The following ATRNL1 variants were observed in gnomAD, a reference collection of about 807,000 sequenced individuals.
The protein encoded by ATRNL1 is attractin-like protein 1.
Under a neutral mutation model 182.7 loss-of-function variants are expected in ATRNL1, and 95 were observed. The observed-to-expected ratio is 0.52, with a 90% CI of 0.44 to 0.62. The LOEUF is 0.62. Among genes scored for constraint, ATRNL1 ranks in the 20% least tolerant of loss-of-function variants. ATRNL1 has a pLI of 0.00. For synonymous variants in ATRNL1, 576 were observed against 568.3 expected, an observed-to-expected ratio of 1.01 and a Z score of -0.19; for missense variants, 1,471 against 1,679.5, an observed-to-expected ratio of 0.88 and a Z score of 2.17.
chr10:115,213,422 A>T lies in ATRNL1; in HGVS notation c.1349-2275A>T, dbSNP rs532303927. Among the ~76,000 whole-genome samples the T allele has an allele frequency of 6.6e-5, 10 of 152,182 alleles. No homozygotes were observed. The South Asian group carries it at 2.1e-3, about 32-fold the overall frequency. On this transcript the variant is annotated intron_variant, in intron 8 of 28. Transcript: ENST00000355044. ...GGTTTTGTCCATTGGACTCGTGTTC[A>T]GTTTGGCTAAGGAATAAGCCTACCC...
At chr10:115,670,298 T>C (rs1945654572) in intron 26 of ATRNL1, among the ~76,000 whole-genome samples, 2 of 152,164 alleles carry the variant, frequency 1.3e-5, no homozygotes, top group Non-Finnish European at 2.9e-5. Flanking sequence ...TTGCTATCAT[T>C]GTTGCTATTG....
chr10:115,142,384 T>C (rs112309793), intron 5 of ATRNL1, among the ~76,000 whole-genome samples: 25 of 152,174 alleles, frequency 1.6e-4, no homozygotes, highest in African/African-American at 5.5e-4. Context: ...AAAAAGGCCA[T>C]TGTGGCTGGA....
At chr10:115,794,078 C>T (rs1270936032) in intron 27 of ATRNL1, among the ~76,000 whole-genome samples, 1 of 152,138 alleles carries the variant, frequency 6.6e-6, no homozygotes, top group African/African-American at 2.4e-5. Context: ...GTGCATCAAA[C>T]GGTTTATGAG....
At chr10:115,766,850 TG>T (rs1371855253) in intron 27 of ATRNL1, among the ~76,000 whole-genome samples, 2 of 152,198 alleles carry the variant, frequency 1.3e-5, no homozygotes, top group Non-Finnish European at 2.9e-5. Flanking sequence ...GAACAAAATT[TG>T]GAGTCAAAAG....
intron 9 of ATRNL1, chr10:115,220,452 A>G (rs1849409545): frequency 6.6e-6 from 1 of 152,208 alleles, no homozygotes; most frequent in African/African-American, 2.4e-5. Flanking sequence ...CGTATTGTAC[A>G]AAGTGGACTT....
intron 27 of ATRNL1, among the ~76,000 whole-genome samples, chr10:115,773,519 G>A (rs187891082): frequency 2.0e-5 from 3 of 152,182 alleles, no homozygotes; most frequent in Admixed American, 1.3e-4. Context: ...ATAAGATATA[G>A]CCCAGTCATA....
chr10:115,746,183 T>C (rs1240546411), intron 27 of ATRNL1, among the ~76,000 whole-genome samples: 1 of 152,132 alleles, frequency 6.6e-6, no homozygotes, highest in East Asian at 1.9e-4. Flanking sequence ...ACCCCGAACT[T>C]CAGCATTGAT....
At position 115,241,560 on chromosome 10, in the gene ATRNL1, T is replaced by G. The variant is rs782145458; in HGVS notation, c.1533-11T>G. 5 of 1,572,380 alleles carry G rather than the reference T, an allele frequency of 3.2e-6. No homozygotes were observed. The highest frequency in any genetic ancestry group is 3.5e-6 in the Non-Finnish European group (4 of 1,151,588). On this transcript the variant is annotated splice_polypyrimidine_tract_variant and intron_variant, in intron 9 of 28. Transcript: ENST00000355044. ...ATCCTTTGTAATACATTTTTAAATT[T>G]TATTCTGTAGGACTATTTTGAAAGA...
intron 26 of ATRNL1, among the ~76,000 whole-genome samples, chr10:115,597,186 T>A (rs1465488396): frequency 6.6e-6 from 1 of 152,186 alleles, no homozygotes; most frequent in Non-Finnish European, 1.5e-5. Context: ...TTACTAAAAT[T>A]TTTTCCTCAG....
chr10:115,250,877 A>G (rs1057424465), intron 10 of ATRNL1, among the ~76,000 whole-genome samples: 2 of 152,208 alleles, frequency 1.3e-5, no homozygotes, highest in Non-Finnish European at 2.9e-5. Context: ...TAGTAGAACA[A>G]TGTAATGTTC....
intron 27 of ATRNL1, among the ~76,000 whole-genome samples, chr10:115,798,011 G>A (rs1415675373): frequency 3.9e-5 from 6 of 152,036 alleles, no homozygotes; most frequent in African/African-American, 9.7e-5. Context: ...TCTGCCTCCC[G>A]GGTTCACGCC....
At chr10:115,618,181 G>A (rs1857538942) in intron 26 of ATRNL1, among the ~76,000 whole-genome samples, 1 of 152,078 alleles carries the variant, frequency 6.6e-6, no homozygotes, top group African/African-American at 2.4e-5. Flanking sequence ...CTAGTCTCAG[G>A]TATTTCTTTA....
chr10:115,445,695 C>T (rs1846945911), intron 21 of ATRNL1, among the ~76,000 whole-genome samples: 1 of 151,942 alleles, frequency 6.6e-6, no homozygotes, highest in African/African-American at 2.4e-5. Context: ...AGTTGTGCAA[C>T]GATCTGCACC....
intron 26 of ATRNL1, among the ~76,000 whole-genome samples, chr10:115,661,170 C>T (rs1860658100): frequency 6.6e-6 from 1 of 151,996 alleles, no homozygotes; most frequent in Non-Finnish European, 1.5e-5. Flanking sequence ...TAATAGCTTG[C>T]TAAAATAAAA....
At chr10:115,450,550 AAATACCTTAG>A (rs1847229286) in intron 21 of ATRNL1, among the ~76,000 whole-genome samples, 1 of 152,178 alleles carries the variant, frequency 6.6e-6, no homozygotes, top group Non-Finnish European at 1.5e-5. Context: ...AAAAAGAATA[AAATACCTTAG>A]AATACAGCTA....
chr10:115,786,844 G>C (rs915227012), intron 27 of ATRNL1, among the ~76,000 whole-genome samples: 11 of 152,074 alleles, frequency 7.2e-5, no homozygotes, highest in Admixed American at 2.0e-4. Flanking sequence ...TTTTCAAAAT[G>C]TGTTTCTTAT....
At chr10:115,375,589 G>A (rs535332472) in intron 19 of ATRNL1, among the ~76,000 whole-genome samples, 1 of 151,848 alleles carries the variant, frequency 6.6e-6, no homozygotes, top group East Asian at 1.9e-4. Flanking sequence ...TATTTTTATA[G>A]TGGTATGCTC....
chr10:115,600,358 A>G (rs1433924161), intron 26 of ATRNL1, among the ~76,000 whole-genome samples: 4 of 152,126 alleles, frequency 2.6e-5, no homozygotes, highest in Non-Finnish European at 5.9e-5. Context: ...ATAATACCAC[A>G]TTTCACCTAT....
chr10:115,390,394 C>T (rs1206946088), intron 19 of ATRNL1, among the ~76,000 whole-genome samples: 1 of 152,096 alleles, frequency 6.6e-6, no homozygotes, highest in East Asian at 1.9e-4. Flanking sequence ...CATTATTTTG[C>T]ATGTGAATAT....
Sources: gnomAD v4.1 joint callset for allele counts (sites outside exome capture counted in the v4.1 genomes callset) on GRCh38, gnomAD v4.1.1 for gene constraint, MANE v1.5 for transcripts, NCBI Gene and HGNC (gene_info 2026-07-23, HGNC 2026-07-21) for gene names.